NOL4L: variants seen among roughly 807,000 people sequenced by gnomAD.
The protein encoded by NOL4L is nucleolar protein 4-like.
Under a neutral mutation model 64.5 loss-of-function variants are expected in NOL4L, and 7 were observed. The ratio of observed to expected loss-of-function variants is 0.11; its 90% confidence interval spans 0.06 to 0.20. The LOEUF (loss-of-function observed/expected upper bound fraction) is 0.20. NOL4L is among the 10% of genes least tolerant of loss of function. The probability of loss-of-function intolerance (pLI) is 1.00; values close to 1 mark genes in which losing one functional copy is unlikely to be tolerated. For missense variants in NOL4L, 680 were observed against 967.1 expected, an observed-to-expected ratio of 0.70 and a Z score of 3.94; for synonymous variants, 413 against 401.0, an observed-to-expected ratio of 1.03 and a Z score of -0.36.
At chr20:32,484,922 A>T (rs887969836) in intron 4 of NOL4L, among the ~76,000 whole-genome samples, 1 of 151,742 alleles carries the variant, frequency 6.6e-6, no homozygotes, top group African/African-American at 2.4e-5. Context: ...CCCGATGGAG[A>T]AAATGGGTCA....
rs2013912003 is a variant in NOL4L at position 32,460,154 on chromosome 20, G to A, written c.842-3759C>T. 6.6e-6 allele frequency among the ~76,000 whole-genome samples: 1 copy of A among 152,164 alleles called. No homozygotes were observed. The highest frequency in any genetic ancestry group is 2.1e-4 in the South Asian group (1 of 4,814). ...ATGAACAAGCTGTGGAAATAACAGT[G>A]CTTCTGGAGTGTACACTTAAAAATG... On this transcript the variant is annotated intron_variant, in intron 5 of 10. Transcript: ENST00000621426. The surrounding 1 kb of genome is among the most constrained non-coding windows in gnomAD (Gnocchi z 5.7).
At chr20:32,523,006 G>A (rs939257547) in intron 2 of NOL4L, among the ~76,000 whole-genome samples, 1 of 152,156 alleles carries the variant, frequency 6.6e-6, no homozygotes, top group African/African-American at 2.4e-5. Flanking sequence ...GCTCTGCTGA[G>A]GGCTGCACAC....
intron 3 of NOL4L, among the ~76,000 whole-genome samples, chr20:32,513,609 T>C (rs1019806673): frequency 6.6e-6 from 1 of 152,184 alleles, no homozygotes; most frequent in African/African-American, 2.4e-5. Context: ...ACGCATGTAA[T>C]CCCAGCACTT....
chr20:32,462,556 T>A (rs1008227823), intron 5 of NOL4L, among the ~76,000 whole-genome samples: 1 of 151,538 alleles, frequency 6.6e-6, no homozygotes, highest in African/African-American at 2.4e-5. Flanking sequence ...AAAGAGAGAC[T>A]GGGGGCAGTT....
intron 4 of NOL4L, among the ~76,000 whole-genome samples, chr20:32,501,719 C>T (rs973968216): frequency 6.6e-6 from 1 of 151,472 alleles, no homozygotes; most frequent in African/African-American, 2.4e-5. Context: ...TAAAAGAAAA[C>T]ATGGGGGATG....
At chr20:32,449,172 C>T (rs561195316) in intron 10 of NOL4L, among the ~76,000 whole-genome samples, 3 of 152,328 alleles carry the variant, frequency 2.0e-5, no homozygotes, top group Middle Eastern at 6.8e-3. Context: ...GCAGAGCTGC[C>T]GCTTCCCTGG....
At chr20:32,577,304 G>A (rs1980179854) in intron 1 of NOL4L, among the ~76,000 whole-genome samples, 1 of 152,218 alleles carries the variant, frequency 6.6e-6, no homozygotes, top group East Asian at 1.9e-4. Context: ...GGAGAAGGGC[G>A]AGAGGCTTGT....
At chr20:32,542,769 A>G (rs1488114258) in intron 1 of NOL4L, among the ~76,000 whole-genome samples, 1 of 152,256 alleles carries the variant, frequency 6.6e-6, no homozygotes, top group Admixed American at 6.5e-5. Context: ...AAGATGAAAC[A>G]CCTTAATAGT....
chr20:32,483,528 G>A, intron 4 of NOL4L: 1 of 982,942 alleles, frequency 1.0e-6, no homozygotes, highest in Non-Finnish European at 1.2e-6. Flanking sequence ...GCCCGGGGGC[G>A]GGGGTGGCCA....
intron 4 of NOL4L, among the ~76,000 whole-genome samples, chr20:32,488,780 T>G (rs2016234160): frequency 2.1e-5 from 1 of 48,378 alleles, no homozygotes; most frequent in African/African-American, 2.2e-4. Flanking sequence ...CCTTCCTTCC[T>G]TCCTTCCTTC....
intron 1 of NOL4L, among the ~76,000 whole-genome samples, chr20:32,559,318 T>A (rs1438557263): frequency 6.6e-6 from 1 of 152,130 alleles, no homozygotes; most frequent in African/African-American, 2.4e-5. Flanking sequence ...CACCCCTGCC[T>A]CAGGTCTTGC....
At chr20:32,508,112 A>C (rs2017209183) in intron 4 of NOL4L, among the ~76,000 whole-genome samples, 1 of 152,252 alleles carries the variant, frequency 6.6e-6, no homozygotes, top group Non-Finnish European at 1.5e-5. Context: ...AGAAATTTGC[A>C]AACACTACAG....
intron 6 of NOL4L, among the ~76,000 whole-genome samples, chr20:32,455,197 C>G (rs1197753440): frequency 5.9e-5 from 9 of 152,082 alleles, no homozygotes; most frequent in Admixed American, 5.9e-4. Flanking sequence ...CTGGGCCCCC[C>G]ATGTACCCTG....
intron 1 of NOL4L, among the ~76,000 whole-genome samples, chr20:32,580,729 C>T (rs1980413587): frequency 1.3e-5 from 2 of 152,200 alleles, no homozygotes; most frequent in South Asian, 2.1e-4. Context: ...CAAATGGAAA[C>T]TTCCTCTCTC....
intron 4 of NOL4L, among the ~76,000 whole-genome samples, chr20:32,491,509 G>T (rs1275488081): frequency 6.6e-6 from 1 of 152,144 alleles, no homozygotes; most frequent in East Asian, 1.9e-4. Context: ...TGGGCCATTC[G>T]CTCTGAGGGC....
At chr20:32,549,800 A>C (rs1280323887) in intron 1 of NOL4L, among the ~76,000 whole-genome samples, 2 of 152,192 alleles carry the variant, frequency 1.3e-5, no homozygotes, top group Non-Finnish European at 2.9e-5. Flanking sequence ...AATGTAGAGA[A>C]ATTGCAACCC....
chr20:32,462,646 C>A (rs989549905), intron 5 of NOL4L, among the ~76,000 whole-genome samples: 1 of 152,076 alleles, frequency 6.6e-6, no homozygotes, highest in Non-Finnish European at 1.5e-5. Flanking sequence ...GTGGCTCACG[C>A]CTGTAATCCC....
intron 4 of NOL4L, among the ~76,000 whole-genome samples, chr20:32,502,328 C>T (rs1373046026): frequency 6.6e-6 from 1 of 152,198 alleles, no homozygotes; most frequent in African/African-American, 2.4e-5. Context: ...TGTGGTGGCT[C>T]ATGCCTGTAA....
intron 1 of NOL4L, among the ~76,000 whole-genome samples, chr20:32,578,145 AGGGAGGGAGGGAGGGAGGGAGGGAG>A (rs1600893037): frequency 2.2e-5 from 1 of 45,228 alleles, no homozygotes; most frequent in Admixed American, 2.7e-4. Flanking sequence ...GGAAGGAGGG[AGGGAGGGAGGGAGGGAGGGAGGGAG>A]GGAGGGAAGG....
Sources: allele counts gnomAD v4.1 joint callset (sites outside exome capture counted in the v4.1 genomes callset), GRCh38; gene constraint gnomAD v4.1.1; non-coding constraint Gnocchi (gnomAD v3.1); transcripts MANE v1.5; gene names NCBI Gene and HGNC (gene_info 2026-07-23, HGNC 2026-07-21).